The following LRFN5 variants were observed in gnomAD, a reference collection of about 807,000 sequenced individuals.
LRFN5 encodes leucine rich repeat and fibronectin type III domain containing 5, also known as leucine-rich repeat and fibronectin type-III domain-containing protein 5.
LRFN5 carries 24 observed loss-of-function variants against 45.6 expected under a neutral mutation model. The observed-to-expected ratio is 0.53, with a 90% CI of 0.38 to 0.74. The LOEUF is 0.74. Ranked by LOEUF, LRFN5 falls within the 30% of genes least tolerant of loss-of-function variation. The probability of loss-of-function intolerance (pLI) is 0.00; values close to 1 mark genes in which losing one functional copy is unlikely to be tolerated. For missense variants in LRFN5, 776 were observed against 861.5 expected (o/e 0.90, Z 1.24); for synonymous variants, 340 against 313.8 (o/e 1.08, Z -0.88).
intron 2 of LRFN5, among the ~76,000 whole-genome samples, chr14:41,822,202 G>T (rs1338796749): frequency 6.6e-6 from 1 of 151,390 alleles, no homozygotes; most frequent in Non-Finnish European, 1.5e-5. Context: ...CGCAAATTTT[G>T]GGCTTGTTAT....
intron 4 of LRFN5, 64 bp from the exon 5 acceptor site, chr14:41,898,853 G>C: frequency 7.0e-7 from 1 of 1,432,872 alleles, no homozygotes; most frequent in Non-Finnish European, 9.7e-7. Context: ...TCAGTAAGAG[G>C]TTTTTTGAAT....
At chr14:41,730,064 A>G (rs1224467117) in intron 1 of LRFN5, among the ~76,000 whole-genome samples, 1 of 152,038 alleles carries the variant, frequency 6.6e-6, no homozygotes, top group African/African-American at 2.4e-5. Context: ...GTTTGCCAAA[A>G]TTCTGTTTCT....
At chr14:41,609,315 G>GTTTTT (rs375230754) in intron 1 of LRFN5, among the ~76,000 whole-genome samples, 50 of 151,692 alleles carry the variant, frequency 3.3e-4, no homozygotes, top group Middle Eastern at 6.8e-3. Context: ...TCCTTTGCGC[G>GTTTTT]TTTTTTTGTT....
intron 4 of LRFN5, chr14:41,894,562 CAAG>C (rs1221658197): frequency 4.1e-6 from 4 of 967,024 alleles, no homozygotes; most frequent in Admixed American, 6.2e-5. Context: ...ACTGGCTTAT[CAAG>C]AAGGTCAAAA....
At chr14:41,654,969 G>A (rs1880308546) in intron 1 of LRFN5, among the ~76,000 whole-genome samples, 1 of 152,054 alleles carries the variant, frequency 6.6e-6, no homozygotes, top group Admixed American at 6.6e-5. Context: ...GTACTTTTGT[G>A]ATTCACATAA....
chr14:41,893,874 A>G, intron 4 of LRFN5: 1 of 985,334 alleles, frequency 1.0e-6, no homozygotes, highest in Non-Finnish European at 1.2e-6. Flanking sequence ...TTCACTGCCC[A>G]GTTATTTATT....
chr14:41,704,700 G>C (rs1322718678), intron 1 of LRFN5, among the ~76,000 whole-genome samples: 3 of 152,012 alleles, frequency 2.0e-5, no homozygotes, highest in Non-Finnish European at 2.9e-5. Flanking sequence ...ACTAGTTGCA[G>C]AGGTGTTTCT....
At chr14:41,652,597 T>G (rs1006659763) in intron 1 of LRFN5, among the ~76,000 whole-genome samples, 4 of 151,828 alleles carry the variant, frequency 2.6e-5, no homozygotes, top group Admixed American at 6.6e-5. Context: ...TGGTTTCTAC[T>G]AGGACCAGGG....
chr14:41,832,194 G>A (rs964438927), intron 2 of LRFN5, among the ~76,000 whole-genome samples: 5 of 152,100 alleles, frequency 3.3e-5, no homozygotes, highest in African/African-American at 1.2e-4. Flanking sequence ...TTCTTGCCTA[G>A]TGTGGTGACC....
intron 1 of LRFN5, among the ~76,000 whole-genome samples, chr14:41,664,475 G>A (rs576140695): frequency 1.3e-5 from 2 of 151,784 alleles, no homozygotes; most frequent in Non-Finnish European, 2.9e-5. Context: ...AAGAACTTGG[G>A]GGTATGTTAG....
At chr14:41,709,761 A>G (rs1463005330) in intron 1 of LRFN5, among the ~76,000 whole-genome samples, 1 of 152,098 alleles carries the variant, frequency 6.6e-6, no homozygotes, top group African/African-American at 2.4e-5. Context: ...AAAAGATAAT[A>G]TAAGCTTATT....
intron 2 of LRFN5, among the ~76,000 whole-genome samples, chr14:41,867,478 A>G (rs918466607): frequency 3.9e-5 from 6 of 152,252 alleles, no homozygotes; most frequent in Non-Finnish European, 8.8e-5. Context: ...GCAAATCTCT[A>G]TATTTCAACT....
At chr14:41,888,981 GTATATGTGTGTATGTATACACATATA>G (rs1457005517) in intron 3 of LRFN5, among the ~76,000 whole-genome samples, 48 of 141,888 alleles carry the variant, frequency 3.4e-4, no homozygotes, top group African/African-American at 7.2e-4. Flanking sequence ...ATGTGTGTAT[GTATATGTGTGTATGTATACACATATA>G]TATATGTGTG....
intron 2 of LRFN5, among the ~76,000 whole-genome samples, chr14:41,769,384 G>A (rs562262171): frequency 3.3e-5 from 5 of 152,010 alleles, no homozygotes; most frequent in Non-Finnish European, 7.4e-5. Flanking sequence ...TTCTCTATTC[G>A]TTCTCACTTG....
intron 1 of LRFN5, among the ~76,000 whole-genome samples, chr14:41,693,963 A>G (rs928951678): frequency 3.3e-5 from 5 of 151,890 alleles, no homozygotes; most frequent in African/African-American, 1.2e-4. Flanking sequence ...AGTTGCTGAG[A>G]GATTCTTTCA....
intron 1 of LRFN5, among the ~76,000 whole-genome samples, chr14:41,624,592 G>A (rs1888258978): frequency 6.6e-6 from 1 of 152,084 alleles, no homozygotes; most frequent in South Asian, 2.1e-4. Flanking sequence ...ATAACCCTAA[G>A]TTTCTTGAAG....
chr14:41,839,038 A>G (rs1229160680), intron 2 of LRFN5, among the ~76,000 whole-genome samples: 2 of 152,118 alleles, frequency 1.3e-5, no homozygotes, highest in South Asian at 2.1e-4. Flanking sequence ...TCAGGTTACA[A>G]TATTAAATTG....
chr14:41,820,301 A>C (rs1888070895), intron 2 of LRFN5, among the ~76,000 whole-genome samples: 2 of 152,170 alleles, frequency 1.3e-5, no homozygotes, highest in Admixed American at 1.3e-4. Flanking sequence ...ATATGGTGAG[A>C]GATATGGATC....
At chr14:41,620,132 C>G (rs183108251) in intron 1 of LRFN5, among the ~76,000 whole-genome samples, 3 of 152,106 alleles carry the variant, frequency 2.0e-5, no homozygotes, top group Admixed American at 2.0e-4. Flanking sequence ...TATTGAGACA[C>G]AGGACCAAAG....
Sources: gnomAD v4.1 joint callset for allele counts (sites outside exome capture counted in the v4.1 genomes callset) on GRCh38, gnomAD v4.1.1 for gene constraint, MANE v1.5 for transcripts, NCBI Gene and HGNC (gene_info 2026-07-23, HGNC 2026-07-21) for gene names.